Variants in ABCC1 observed in about 807,000 individuals in gnomAD.
ABCC1 encodes multidrug resistance-associated protein 1.
Under a neutral mutation model 172.9 loss-of-function variants are expected in ABCC1, and 83 were observed. The ratio of observed to expected loss-of-function variants is 0.48; its 90% CI spans 0.40 to 0.58. The LOEUF (loss-of-function observed/expected upper bound fraction) is 0.58, where lower values mean the gene tolerates loss of function less well. Among genes scored for constraint, ABCC1 ranks in the 20% least tolerant of loss-of-function variants. The probability of loss-of-function intolerance (pLI) is 0.00; values close to 1 mark genes in which losing one functional copy is unlikely to be tolerated. For synonymous variants in ABCC1, 937 were observed against 825.2 expected (o/e 1.14, Z -2.32); for missense variants, 1,817 against 2,002.7 (o/e 0.91, Z 1.77).
chr16:16,136,474 A>AC lies in ABCC1; in HGVS notation c.4126-3dup. Reference sequence around the variant, plus strand: ...ATGCCGTCCACTCTCTTCTCTCTGAACAGGACCCTGTTTTGTTTTCGGGTT... The same window carrying AC: ...ATGCCGTCCACTCTCTTCTCTCTGAACCAGGACCCTGTTTTGTTTTCGGGTT... On this transcript the variant is annotated splice_region_variant and splice_polypyrimidine_tract_variant and intron_variant, in intron 28 of 30. Coordinates refer to ENST00000399410, the MANE Select transcript of ABCC1 (RefSeq NM_004996.4). 6.2e-7 allele frequency: 1 copy of AC among 1,614,014 alleles called. No homozygotes were observed. Among genetic ancestry groups the AC allele is most frequent in the Non-Finnish European group, 8.5e-7 (1 of 1,179,986 alleles).
chr16:15,981,813 T>G (rs1045819717), intron 1 of ABCC1, among the ~76,000 whole-genome samples: 9 of 152,208 alleles, frequency 5.9e-5, no homozygotes, highest in African/African-American at 2.2e-4. Context: ...GGTTTTTCTT[T>G]TCCGTCACAT....
chr16:16,001,941 C>T (rs2151691894), intron 1 of ABCC1, among the ~76,000 whole-genome samples: 1 of 152,226 alleles, frequency 6.6e-6, no homozygotes, highest in South Asian at 2.1e-4. Context: ...TGGTTTCAAA[C>T]TCCTGGGCTC....
chr16:15,999,132 C>G (rs1351827189), intron 1 of ABCC1, among the ~76,000 whole-genome samples: 3 of 151,988 alleles, frequency 2.0e-5, no homozygotes, highest in Non-Finnish European at 4.4e-5. Flanking sequence ...TCCTGAGTAG[C>G]TGGGACTACA....
At chr16:16,106,547 A>C in intron 20 of ABCC1, 191 bp from the exon 21 acceptor site, 2 of 581,688 alleles carry the variant, frequency 3.4e-6, no homozygotes, top group South Asian at 2.6e-5. Flanking sequence ...TTCTCTGGGT[A>C]CCTATAAACC....
At chr16:15,995,079 C>T (rs1253587005) in intron 1 of ABCC1, among the ~76,000 whole-genome samples, 3 of 151,260 alleles carry the variant, frequency 2.0e-5, no homozygotes, top group Admixed American at 6.6e-5. Flanking sequence ...TGCAGTGAGC[C>T]GAGACCACAC....
chr16:15,978,045 T>C (rs532969167), intron 1 of ABCC1, among the ~76,000 whole-genome samples: 1 of 152,148 alleles, frequency 6.6e-6, no homozygotes, highest in African/African-American at 2.4e-5. Flanking sequence ...TGAAATAATA[T>C]ATAAGTCTCG....
intron 23 of ABCC1, among the ~76,000 whole-genome samples, chr16:16,117,185 G>T (rs984163570): frequency 1.6e-4 from 24 of 152,208 alleles, no homozygotes; most frequent in Admixed American, 1.2e-3. Context: ...AAGGAAAGAG[G>T]TTTAATTGAC....
At chr16:16,084,430 C>G (rs1461041044) in intron 17 of ABCC1, among the ~76,000 whole-genome samples, 1 of 150,044 alleles carries the variant, frequency 6.7e-6, no homozygotes, top group Non-Finnish European at 1.5e-5. Context: ...GTGGCTCACT[C>G]TTGGCTCATT....
At chr16:16,055,253 A>G (rs1192357861) in intron 11 of ABCC1, among the ~76,000 whole-genome samples, 1 of 151,990 alleles carries the variant, frequency 6.6e-6, no homozygotes, top group African/African-American at 2.4e-5. Flanking sequence ...AACTGGGCTG[A>G]CAAGAAATAA....
intron 1 of ABCC1, among the ~76,000 whole-genome samples, chr16:15,986,447 C>T (rs1470765296): frequency 6.6e-6 from 1 of 152,198 alleles, no homozygotes; most frequent in Non-Finnish European, 1.5e-5. Context: ...TGAATTCCAC[C>T]TCCTGTCAGA....
At chr16:16,133,402 G>GT (rs56923108) in intron 27 of ABCC1, among the ~76,000 whole-genome samples, 2,646 of 69,670 alleles carry the variant, frequency 0.038, 62 homozygotes, top group African/African-American at 0.094. Context: ...TTTTGTTTTT[G>GT]TTTTGTTTTG....
rs2046151835 is a variant in ABCC1, at chr16:16,142,297, C to G, written c.*1016C>G. ...AATGTGTTAGGGGCCTGGCCCAAAG[C>G]AGTGTTGGTTGCTTACAGTGTTGAT... On this transcript the variant is annotated 3_prime_UTR_variant, in exon 31 of 31. Coordinates refer to ENST00000399410, the MANE Select transcript of ABCC1 (RefSeq NM_004996.4). 6.6e-6 allele frequency: 1 copy of G among 152,234 alleles called. No individual in the cohort carries two copies. The highest frequency in any genetic ancestry group is 1.5e-5 in the Non-Finnish European group (1 of 68,044). The allele number at this position is 152,234 out of a possible 1,614,324, so 9.4% of individuals were successfully genotyped here.
At position 15,995,977 on chromosome 16, in the gene ABCC1, GT is replaced by G. The variant is rs565769136; in HGVS notation, c.49-11814del. On this transcript the variant is annotated intron_variant, in intron 1 of 30. Coordinates refer to ENST00000399410, the MANE Select transcript of ABCC1 (RefSeq NM_004996.4). ...GGTGTGTACCACCACGCCCAGCTAA[GT>G]TTTTTTTTTTTTTTTTTTTTTTTTG... Among the ~76,000 whole-genome samples, 207 of 98,610 alleles carry G rather than the reference GT, an allele frequency of 2.1e-3. 1 individual carries two copies. The highest frequency in any genetic ancestry group is 1.0e-2 in the East Asian group (32 of 3,212). The allele number at this position is 98,610 out of a possible 152,430, so 64.7% of individuals were successfully genotyped here.
intron 26 of ABCC1, among the ~76,000 whole-genome samples, chr16:16,126,220 A>T (rs991698500): frequency 1.3e-5 from 2 of 152,094 alleles, no homozygotes; most frequent in Non-Finnish European, 2.9e-5. Context: ...ATAACTTCTG[A>T]TGGTATCACA....
intron 16 of ABCC1, 85 bp from the exon 17 acceptor site, chr16:16,083,281 C>A: frequency 7.2e-7 from 1 of 1,388,364 alleles, no homozygotes. Flanking sequence ...TGAGGCCCTC[C>A]TAGCAGGCGG....
intron 8 of ABCC1, 115 bp downstream of exon 8, chr16:16,044,795 G>A: frequency 1.1e-6 from 1 of 899,926 alleles, no homozygotes; most frequent in Non-Finnish European, 1.7e-6. Flanking sequence ...CTCATAGCCA[G>A]ATGTCTCCAT....
At chr16:15,997,588 G>A (rs1287110928) in intron 1 of ABCC1, among the ~76,000 whole-genome samples, 3 of 152,054 alleles carry the variant, frequency 2.0e-5, no homozygotes, top group Admixed American at 6.6e-5. Context: ...AAGCAGCCTC[G>A]GGTAGCTGTG....
chr16:16,048,342 G>T, intron 10 of ABCC1, 39 bp downstream of exon 10: 1 of 1,608,872 alleles, frequency 6.2e-7, no homozygotes, highest in Non-Finnish European at 8.5e-7. Flanking sequence ...ATGCAGGGAG[G>T]GACTTCTACG....
At chr16:16,036,162 A>G (rs1392411903) in intron 6 of ABCC1, among the ~76,000 whole-genome samples, 1 of 152,006 alleles carries the variant, frequency 6.6e-6, no homozygotes, top group Non-Finnish European at 1.5e-5. Flanking sequence ...AAAAAATAAA[A>G]AAGAGCTATC....
Sources: allele counts gnomAD v4.1 joint callset (sites outside exome capture counted in the v4.1 genomes callset), GRCh38; gene constraint gnomAD v4.1.1; transcripts MANE v1.5; gene names NCBI Gene and HGNC (gene_info 2026-07-23, HGNC 2026-07-21).